FRAS1: variants seen among roughly 807,000 people sequenced by gnomAD.
FRAS1 encodes extracellular matrix organizing protein FRAS1.
Under a neutral mutation model 435.2 loss-of-function variants are expected in FRAS1, and 290 were observed. That is an observed-to-expected ratio of 0.67 (90% CI 0.61 to 0.73). The LOEUF is 0.73. FRAS1 is among the 30% of genes least tolerant of loss of function. The pLI is 0.00. For synonymous variants in FRAS1, 1,800 were observed against 1,851.0 expected (o/e 0.97, Z 0.71); for missense variants, 4,860 against 5,001.5 (o/e 0.97, Z 0.85).
chr4:78,231,696 C>T (rs1724525900), intron 2 of FRAS1, among the ~76,000 whole-genome samples: 1 of 151,854 alleles, frequency 6.6e-6, no homozygotes, highest in South Asian at 2.1e-4. Flanking sequence ...GAAATTTGAG[C>T]ACTTATTAAA....
chr4:78,083,733 G>T (rs937133132), intron 2 of FRAS1, among the ~76,000 whole-genome samples: 2 of 150,652 alleles, frequency 1.3e-5, no homozygotes, highest in African/African-American at 4.9e-5. Context: ...GTAGGGTCAG[G>T]TGTTGTCAGT....
chr4:78,080,999 T>C (rs879747449), intron 2 of FRAS1, among the ~76,000 whole-genome samples: 1 of 152,180 alleles, frequency 6.6e-6, no homozygotes, highest in Non-Finnish European at 1.5e-5. Context: ...GGGTAAATGT[T>C]AAACCAGTGT....
At position 78,317,446 on chromosome 4, in the gene FRAS1, G is replaced by A. The variant is rs954177790; in HGVS notation, c.1898G>A (p.Arg633His). ...GCCTGCAGCCCCCCCAAGGCTCTGC[G>A]TCAAGGCCACTGTCTGCCCCGCTGT... Reference protein sequence around the residue: ...CTACSPPKALRQGHCLPRCGE... With the variant: ...CTACSPPKALHQGHCLPRCGE... Residue 633 changes from arginine (R) to histidine (H), a missense_variant, in exon 17 of 74, where the codon CGT (arginine) becomes CAT (histidine). Physicochemically the swap from Arg to His is conservative, Grantham distance 29. Transcript: ENST00000512123. 42 of 1,613,732 alleles carry A rather than the reference G, an allele frequency of 2.6e-5. No individual in the cohort carries two copies. Among genetic ancestry groups the A allele is most frequent in the African/African-American group, 4.0e-5 (3 of 74,914 alleles).
rs530685677 is a variant in FRAS1, at chr4:78,129,875, C to T, written c.108+63859C>T. On this transcript the variant is annotated intron_variant, in intron 2 of 73. Transcript: ENST00000512123. The stretch of plus-strand genomic sequence containing the variant: ...CAACTCTCCATTTTCTCAGCTCTCA[C>T]TTCCCACTCTTTCCTCTCTCTAATT... Among the ~76,000 whole-genome samples, 16 of 152,128 alleles carry T rather than the reference C, an allele frequency of 1.1e-4. 1 individual carries two copies. Among genetic ancestry groups the T allele is most frequent in the African/African-American group, 3.9e-4 (16 of 41,516 alleles).
intron 2 of FRAS1, among the ~76,000 whole-genome samples, chr4:78,114,323 G>T (rs1742977903): frequency 6.6e-6 from 1 of 151,892 alleles, no homozygotes; most frequent in African/African-American, 2.4e-5. Flanking sequence ...CTCTTTTTTT[G>T]GTTCCATATG....
At chr4:78,461,962 G>C (rs576078033) in intron 47 of FRAS1, among the ~76,000 whole-genome samples, 33 of 152,322 alleles carry the variant, frequency 2.2e-4, no homozygotes, top group Middle Eastern at 3.4e-3. Flanking sequence ...GTAGGCGACG[G>C]GAAAGGGAAG....
chr4:78,468,666 A>G (rs4975125), intron 50 of FRAS1, among the ~76,000 whole-genome samples: 53,047 of 152,030 alleles, frequency 0.35, 9,625 homozygotes, highest in Admixed American at 0.42. Flanking sequence ...CCTTGCCGCC[A>G]TTTTTACTCA....
Position 78,059,597 on chromosome 4 carries a change from C to G in FRAS1, c.76+1512C>G, listed in dbSNP as rs557222256. 1.3e-3 allele frequency among the ~76,000 whole-genome samples: 202 copies of G among 151,510 alleles called. 1 individual carries two copies. The highest frequency in any genetic ancestry group is 2.4e-3 in the Non-Finnish European group (160 of 67,910). Reference sequence around the variant, plus strand: ...AGGCCACCCAAACCTGAACTTGGTACTTAGAAAAATTAATTTCACTTGGTG... The same window carrying G: ...AGGCCACCCAAACCTGAACTTGGTAGTTAGAAAAATTAATTTCACTTGGTG... On this transcript the variant is annotated intron_variant, in intron 1 of 73. Coordinates refer to ENST00000512123, the MANE Select transcript of FRAS1 (RefSeq NM_025074.7).
intron 2 of FRAS1, among the ~76,000 whole-genome samples, chr4:78,165,694 C>T (rs974931196): frequency 6.6e-6 from 1 of 152,142 alleles, no homozygotes; most frequent in Admixed American, 6.5e-5. Flanking sequence ...ATTCTGCAGT[C>T]CCCTAGCAAG....
chr4:78,234,535 C>T (rs1724661814), intron 2 of FRAS1, among the ~76,000 whole-genome samples: 1 of 152,116 alleles, frequency 6.6e-6, no homozygotes, highest in Non-Finnish European at 1.5e-5. Context: ...TTTTCCTCAC[C>T]TTCTTGTCAT....
At chr4:78,132,334 A>G (rs1181299537) in intron 2 of FRAS1, among the ~76,000 whole-genome samples, 1 of 152,208 alleles carries the variant, frequency 6.6e-6, no homozygotes, top group African/African-American at 2.4e-5. Flanking sequence ...GGTGGTCCAT[A>G]ATATGCCCTT....
At chr4:78,119,141 C>A (rs1578136712) in intron 2 of FRAS1, among the ~76,000 whole-genome samples, 1 of 152,102 alleles carries the variant, frequency 6.6e-6, no homozygotes, top group African/African-American at 2.4e-5. Context: ...CAGATCATGG[C>A]AATTAGAATA....
chr4:78,066,025 T>C lies in FRAS1; in HGVS notation c.108+9T>C, dbSNP rs747544442. ...AGGATTCCTTGTTGGCGGTAGGTCA[T>C]TCTTTACATACTTGGTTTCTGTCAT... On this transcript the variant is annotated intron_variant, in intron 2 of 73. Transcript: ENST00000512123. 2 of 1,593,324 alleles carry C rather than the reference T, an allele frequency of 1.3e-6. No individual in the cohort carries two copies. The highest frequency in any genetic ancestry group is 1.1e-5 in the South Asian group (1 of 90,256).
chr4:78,348,135 C>A (rs1413642099), intron 20 of FRAS1, among the ~76,000 whole-genome samples: 1 of 41,084 alleles, frequency 2.4e-5, no homozygotes, highest in East Asian at 3.6e-4. Context: ...AGTGTGTGTG[C>A]GCACTGTGCG....
At chr4:78,463,997 G>C (rs376872170) in intron 47 of FRAS1, 24 bp from the exon 48 acceptor site, 22 of 1,611,618 alleles carry the variant, frequency 1.4e-5, no homozygotes, top group African/African-American at 1.2e-4. Context: ...TCCTGTCTCT[G>C]TTTCTCTTTT....
At chr4:78,102,225 A>G (rs1742166375) in intron 2 of FRAS1, among the ~76,000 whole-genome samples, 1 of 152,224 alleles carries the variant, frequency 6.6e-6, no homozygotes, top group Non-Finnish European at 1.5e-5. Context: ...AAAAGGAACC[A>G]TTTGAAAGGA....
At chr4:78,092,084 G>A (rs957512446) in intron 2 of FRAS1, among the ~76,000 whole-genome samples, 2 of 151,950 alleles carry the variant, frequency 1.3e-5, no homozygotes, top group African/African-American at 2.4e-5. Flanking sequence ...GGTGGTTCTG[G>A]AGCTATAGAC....
At position 78,445,643 on chromosome 4, in the gene FRAS1, TATTTTTAG is replaced by T; in HGVS notation, c.5788_5795del (p.Ile1930PhefsTer5). The stretch of plus-strand genomic sequence containing the variant: ...ATGAAAGCATTGAGCCAACCCATGA[TATTTTTAG>T]TTTTTATGTGAGTGATGGAACCAGT... On this transcript the variant is annotated frameshift_variant, in exon 42 of 74. Coordinates refer to ENST00000512123, the MANE Select transcript of FRAS1 (RefSeq NM_025074.7). LOFTEE classifies it high-confidence loss of function. 6.2e-7 allele frequency: 1 copy of T among 1,613,952 alleles called. No homozygotes were observed. Among genetic ancestry groups the T allele is most frequent in the Non-Finnish European group, 8.5e-7 (1 of 1,179,850 alleles).
At chr4:78,059,335 G>T (rs1463617995) in intron 1 of FRAS1, among the ~76,000 whole-genome samples, 1 of 152,260 alleles carries the variant, frequency 6.6e-6, no homozygotes, top group Non-Finnish European at 1.5e-5. Flanking sequence ...GCACAAGGGT[G>T]GGGGACTTTC....
Sources: allele counts gnomAD v4.1 joint callset (sites outside exome capture counted in the v4.1 genomes callset), GRCh38; gene constraint gnomAD v4.1.1; transcripts MANE v1.5; gene names NCBI Gene and HGNC (gene_info 2026-07-23, HGNC 2026-07-21).